Variants in HCFC1 observed in about 807,000 individuals in gnomAD.
HCFC1 encodes host cell factor C1, also known as host cell factor 1.
Under a neutral mutation model 105.5 loss-of-function variants are expected in HCFC1, and 7 were observed. That is an observed-to-expected ratio of 0.07 (90% CI 0.04 to 0.12). The LOEUF (loss-of-function observed/expected upper bound fraction) is 0.12. HCFC1 is among the 10% of genes least tolerant of loss of function. The pLI is 1.00. For synonymous variants in HCFC1, 918 were observed against 828.1 expected, an observed-to-expected ratio of 1.11 and a Z score of -1.86; for missense variants, 1,065 against 1,823.6, an observed-to-expected ratio of 0.58 and a Z score of 7.58.
chrX:153,970,012 G>A lies in HCFC1; in HGVS notation c.193+636C>T, dbSNP rs782404256. On this transcript the variant is annotated intron_variant, in intron 1 of 25. Coordinates refer to ENST00000310441, the MANE Select transcript of HCFC1 (RefSeq NM_005334.3). The stretch of plus-strand genomic sequence containing the variant: ...GTCCCCAAGGCTCCGGCATTACCCG[G>A]GTCGGCGGATGTTAAACTCTGCGTC... 4.4e-5 allele frequency: 5 copies of A among 113,164 alleles called. No homozygotes were observed. The East Asian group carries it at 1.4e-3, about 32-fold the overall frequency. The allele number at this position is 113,164 out of a possible 1,213,427, so 9.3% of individuals were successfully genotyped here.
chrX:153,953,412 G>A (rs1392069962), intron 18 of HCFC1, among the ~76,000 whole-genome samples, 195 bp downstream of exon 18: 2 of 112,367 alleles, frequency 1.8e-5, no homozygotes, highest in African/African-American at 3.2e-5. Flanking sequence ...AAATAAAAGC[G>A]CCCCAGAGAT....
intron 3 of HCFC1, among the ~76,000 whole-genome samples, chrX:153,963,686 G>A (rs1443609440): frequency 8.9e-6 from 1 of 112,694 alleles, no homozygotes; most frequent in Admixed American, 9.3e-5. Context: ...GCAGGCCCCC[G>A]CCATGCACAC....
chrX:153,959,780 C>T (rs370510621), intron 8 of HCFC1, 22 bp downstream of exon 8: 8 of 1,147,585 alleles, frequency 7.0e-6, no homozygotes, highest in Admixed American at 5.6e-5. Flanking sequence ...TACTTTCAAA[C>T]GTCCCTGGTC....
chrX:153,953,862 G>A, intron 17 of HCFC1, 92 bp from the exon 18 acceptor site: 4 of 1,005,522 alleles, frequency 4.0e-6, no homozygotes, highest in Non-Finnish European at 5.4e-6. Flanking sequence ...CCACCAAGGG[G>A]AGGGCCAGAT....
intron 6 of HCFC1, 68 bp from the exon 7 acceptor site, chrX:153,960,482 T>C (rs1603297309): frequency 1.3e-6 from 1 of 786,250 alleles, no homozygotes; most frequent in East Asian, 3.4e-5. Flanking sequence ...TGGTTGCCCT[T>C]GGTTCTTTTG....
rs782204229 is a variant in HCFC1 at position 153,953,753 on chromosome X, T to C, written c.4351A>G (p.Ser1451Gly). The change falls in exon 18 of 26, where the codon AGC becomes GGC. Residue 1451 changes from serine to glycine, a missense_variant. Ser to Gly is a moderately conservative substitution (Grantham distance 56, BLOSUM62 0). Coordinates refer to ENST00000310441, the MANE Select transcript of HCFC1 (RefSeq NM_005334.3). ...SSNQDPPPAA[S>G]DQGEVESTQG... ...GTGCTCTCCACCTCTCCCTGATCGC[T>C]GGCAGCAGGTGGGGGGTCTGTGGGG... 2.3e-5 allele frequency: 28 copies of C among 1,205,280 alleles called. No homozygotes were observed. The highest frequency in any genetic ancestry group is 3.1e-5 in the Non-Finnish European group (28 of 893,214).
chrX:153,952,026 G>C lies in HCFC1; in HGVS notation c.5075C>G (p.Ala1692Gly). ...IPIVLTQQELAALVQQQQLQE... is the reference protein window; with the variant it reads ...IPIVLTQQELGALVQQQQLQE... ...CAGCTGCTGCTGCTGCACCAGGGCA[G>C]CCAGCTCCTGCTGTGTCAGCACAAT... The change falls in exon 20 of 26, where the codon GCT (alanine) becomes GGT (glycine). Residue 1692 changes from alanine (A) to glycine (G), a missense_variant. Physicochemically the swap from Ala to Gly is moderately conservative, Grantham distance 60. This residue lies in a region of HCFC1 where 115 missense variants were observed against 143.7 expected (regional missense o/e 0.80). Transcript: ENST00000310441. 1 of 1,196,119 alleles carries C rather than the reference G, an allele frequency of 8.4e-7. No homozygotes were observed. Among genetic ancestry groups the C allele is most frequent in the Non-Finnish European group, 1.1e-6 (1 of 888,159 alleles).
At chrX:153,968,439 G>A (rs1345113489) in intron 1 of HCFC1, among the ~76,000 whole-genome samples, 1 of 112,051 alleles carries the variant, frequency 8.9e-6, no homozygotes, top group Non-Finnish European at 1.9e-5. Flanking sequence ...AGGTGACGAG[G>A]CCGGGCTGGC....
intron 2 of HCFC1, 52 bp from the exon 3 acceptor site, chrX:153,964,336 A>G: frequency 9.1e-7 from 1 of 1,098,728 alleles, no homozygotes; most frequent in Non-Finnish European, 1.2e-6. Context: ...GGCCACCACT[A>G]GGGACCCGGG....
intron 5 of HCFC1, among the ~76,000 whole-genome samples, chrX:153,961,862 C>T (rs946677656): frequency 5.8e-4 from 65 of 112,078 alleles, no homozygotes; most frequent in African/African-American, 1.9e-3. Context: ...TGCCGTTCAG[C>T]TCATCTAAAG....
intron 2 of HCFC1, 39 bp from the exon 3 acceptor site, chrX:153,964,323 G>A: frequency 8.9e-7 from 1 of 1,128,144 alleles, no homozygotes; most frequent in Non-Finnish European, 1.2e-6. Context: ...CGTGGGATGA[G>A]AAGGCCACCA....
At chrX:153,957,725 C>T in intron 12 of HCFC1, 57 bp downstream of exon 12, 1 of 947,053 alleles carries the variant, frequency 1.1e-6, no homozygotes, top group Non-Finnish European at 1.5e-6. Context: ...TGAGTTCTTC[C>T]TGTGGCCTGG....
At position 153,958,427 on chromosome X, in the gene HCFC1, G is replaced by A. The variant is rs782296644; in HGVS notation, c.1803+142C>T. ...TTTAACAGGCAAGGGAGGAGGCTGA[G>A]CCTGCAGCTCTCACCTGAGGCCATG... is the stretch of plus-strand genomic sequence containing the variant. On this transcript the variant is annotated intron_variant, in intron 10 of 25. Coordinates refer to ENST00000310441, the MANE Select transcript of HCFC1 (RefSeq NM_005334.3). 2.0e-4 allele frequency: 140 copies of A among 683,199 alleles called. No individual in the cohort carries two copies. In the East Asian group the frequency reaches 4.4e-3, roughly 22 times the overall value. 56.3% of individuals were successfully genotyped at this position (683,199 alleles called of 1,213,427 possible).
In HCFC1 at chrX:153,949,332, C is replaced by CT; in HGVS notation, c.*14dup. On this transcript the variant is annotated 3_prime_UTR_variant, in exon 26 of 26. Coordinates refer to ENST00000310441, the MANE Select transcript of HCFC1 (RefSeq NM_005334.3). The stretch of plus-strand genomic sequence containing the variant: ...GGGGGTCTGGAGAAGAATCCAGGGG[C>CT]TAGTCAGCTTCCTCTCACTGACCAT... 8.3e-7 allele frequency: 1 copy of CT among 1,197,691 alleles called. No individual in the cohort carries two copies. Among genetic ancestry groups the CT allele is most frequent in the Non-Finnish European group, 1.1e-6 (1 of 884,387 alleles).
At chrX:153,959,562 C>T in intron 8 of HCFC1, 71 bp from the exon 9 acceptor site, 2 of 1,136,919 alleles carry the variant, frequency 1.8e-6, no homozygotes, top group East Asian at 6.0e-5. Flanking sequence ...TGCAGGCAGC[C>T]CTGAGCCACT....
rs1926801011 is a variant in HCFC1, at chrX:153,954,211, TGCC to T, written c.4185_4187del (p.Ala1396del). ...TGCCAGCCTGGGGGGTGACGCTGGG[TGCC>T]GCCGCCACCTCTAGGCCAGACTCCA... On this transcript the variant is annotated inframe_deletion, in exon 17 of 26. Transcript: ENST00000310441. 2 of 1,204,813 alleles carry T rather than the reference TGCC, an allele frequency of 1.7e-6. No homozygotes were observed. The highest frequency in any genetic ancestry group is 2.2e-6 in the Non-Finnish European group (2 of 893,930).
At chrX:153,956,602 G>A (rs1490309221) in intron 15 of HCFC1, 23 bp downstream of exon 15, 30 of 1,208,770 alleles carry the variant, frequency 2.5e-5, no homozygotes, top group Non-Finnish European at 3.1e-5. Context: ...GGGTGGCAGG[G>A]GACCTGGCCT....
chrX:153,967,546 G>A (rs928419083), intron 1 of HCFC1, among the ~76,000 whole-genome samples: 4 of 112,154 alleles, frequency 3.6e-5, no homozygotes, highest in African/African-American at 1.3e-4. Context: ...ACGACGTGCT[G>A]GGAGGCACAG....
Position 153,959,887 on chromosome X carries a change from G to A in HCFC1, c.1359C>T (p.Pro453=), listed in dbSNP as rs1247471290. The change falls in exon 8 of 26, where the codon CCC becomes CCT. Residue 453 remains proline (P), a synonymous_variant. Transcript: ENST00000310441. Reference sequence around the variant, plus strand: ...GGATGGTGGTGGTGGTCGGGGGTGCGGGGGCAGCCTGGGGCAGGAGCGTGA... The same window carrying A: ...GGATGGTGGTGGTGGTCGGGGGTGCAGGGGCAGCCTGGGGCAGGAGCGTGA... ...VGITLLPQAA[P]APPTTTTIQV... is the part of the protein sequence containing the mutation. The A allele has an allele frequency of 1.2e-5, 14 of 1,197,272 alleles. No individual in the cohort carries two copies. The highest frequency in any genetic ancestry group is 3.5e-5 in the African/African-American group (2 of 57,040).
Sources: allele counts gnomAD v4.1 joint callset (sites outside exome capture counted in the v4.1 genomes callset), GRCh38; gene constraint gnomAD v4.1.1; regional missense constraint gnomAD v4.1.1; transcripts MANE v1.5; gene names NCBI Gene and HGNC (gene_info 2026-07-23, HGNC 2026-07-21).